Variants in ZNF571 observed in about 807,000 individuals in gnomAD.
ZNF571 encodes zinc finger protein 571.
ZNF571 carries 4 observed loss-of-function variants against 7.7 expected under a neutral mutation model. That is an observed-to-expected ratio of 0.52 (90% CI 0.25 to 1.18). The LOEUF (loss-of-function observed/expected upper bound fraction) is 1.18, where lower values mean the gene tolerates loss of function less well. Ranked by LOEUF, ZNF571 falls within the 50% of genes most tolerant of loss-of-function variation. ZNF571 has a pLI of 0.14. For missense variants in ZNF571, 704 were observed against 726.9 expected, an observed-to-expected ratio of 0.97 and a Z score of 0.36; for synonymous variants, 251 against 232.4, an observed-to-expected ratio of 1.08 and a Z score of -0.73.
chr19:37,584,878 G>A (rs2043610629), intron 2 of ZNF571, among the ~76,000 whole-genome samples: 1 of 151,786 alleles, frequency 6.6e-6, no homozygotes, highest in African/African-American at 2.4e-5. Flanking sequence ...GCAGGAGAAT[G>A]GCGTGAACCC....
chr19:37,565,204 T>G lies in ZNF571; in HGVS notation c.1224A>C (p.Gln408His). 1 of 1,613,442 alleles carries G rather than the reference T, an allele frequency of 6.2e-7. No homozygotes were observed. Among genetic ancestry groups the G allele is most frequent in the South Asian group, 1.1e-5 (1 of 90,962 alleles). ...KAFISNSNLI[Q>H]HQRIHTGEKP... ...TCTCTCCGGTATGAATTCTTTGATG[T>G]TGAATAAGATTAGAATTAGAAATAA... is the stretch of plus-strand genomic sequence containing the variant. Residue 408 changes from glutamine to histidine, a missense_variant, in exon 4 of 4, where the codon CAA becomes CAC. Coordinates refer to ENST00000451802, the MANE Select transcript of ZNF571 (RefSeq NM_016536.5).
At chr19:37,582,992 A>G (rs1010015964) in intron 3 of ZNF571, among the ~76,000 whole-genome samples, 60 of 152,162 alleles carry the variant, frequency 3.9e-4, no homozygotes, top group African/African-American at 1.3e-3. Flanking sequence ...GCAACAACCA[A>G]CAAGGTCCTA....
intron 2 of ZNF571, 124 bp downstream of exon 2, chr19:37,586,544 G>A (rs975734095): frequency 1.9e-6 from 2 of 1,049,798 alleles, no homozygotes; most frequent in Admixed American, 2.0e-5. Context: ...TCGCTAGAAT[G>A]GGAGACGTTT....
Position 37,565,607 on chromosome 19 carries a change from C to A in ZNF571, c.821G>T (p.Ser274Ile). The change falls in exon 4 of 4, where the codon AGT (serine) becomes ATT (isoleucine). Residue 274 changes from serine (S) to isoleucine (I), a missense_variant. By Grantham distance (142) the Ser-to-Ile change is moderately radical. Coordinates refer to ENST00000451802, the MANE Select transcript of ZNF571 (RefSeq NM_016536.5). ...CTTACATTCATAGGGTTTTTCACCACTATGAATTCTCTGATGAAGAGTATA... is the reference window on the plus strand; with the variant it reads ...CTTACATTCATAGGGTTTTTCACCAATATGAATTCTCTGATGAAGAGTATA... ...SQYTLHQRIH[S>I]GEKPYECKDC... 1 of 1,613,164 alleles carries A rather than the reference C, an allele frequency of 6.2e-7. No homozygotes were observed. Among genetic ancestry groups the A allele is most frequent in the African/African-American group, 1.3e-5 (1 of 74,918 alleles).
rs777420496 is a variant in ZNF571, at chr19:37,565,939, T to G, written c.489A>C (p.Ile163=). The G allele has an allele frequency of 6.2e-7, 1 of 1,613,840 alleles. No homozygotes were observed. The highest frequency in any genetic ancestry group is 8.5e-7 in the Non-Finnish European group (1 of 1,179,816). Residue 163 remains isoleucine, a synonymous_variant, in exon 4 of 4, where the codon ATA becomes ATC. Coordinates refer to ENST00000451802, the MANE Select transcript of ZNF571 (RefSeq NM_016536.5). ...CLIQHEENHN[I]EKCSEVKKHR... is the part of the protein sequence containing the mutation. ...GTTTCTTAACTTCAGAGCATTTTTC[T>G]ATATTATGATTTTCCTCATGTTGAA...
At chr19:37,573,508 T>C (rs1307382337) in intron 3 of ZNF571, among the ~76,000 whole-genome samples, 1 of 152,116 alleles carries the variant, frequency 6.6e-6, no homozygotes, top group Non-Finnish European at 1.5e-5. Context: ...AATTTTCTTA[T>C]TAATACACTT....
chr19:37,578,992 A>G (rs2043348744), intron 3 of ZNF571, among the ~76,000 whole-genome samples: 1 of 151,050 alleles, frequency 6.6e-6, no homozygotes, highest in Non-Finnish European at 1.5e-5. Flanking sequence ...GTCAGTCTCC[A>G]TTGCAGGAGT....
At chr19:37,577,778 A>G (rs1568351504) in intron 3 of ZNF571, among the ~76,000 whole-genome samples, 1 of 152,244 alleles carries the variant, frequency 6.6e-6, no homozygotes, top group East Asian at 1.9e-4. Flanking sequence ...GGCACTCAAG[A>G]TGGCTGACTA....
In ZNF571 at chr19:37,566,060, G is replaced by C; in HGVS notation, c.368C>G (p.Ser123Ter). 6.2e-7 allele frequency: 1 copy of C among 1,614,112 alleles called. No individual in the cohort carries two copies. The change falls in exon 4 of 4, where the codon TCA (serine) becomes TGA (stop). Residue 123 changes from serine (S) to a stop codon, truncating the protein, a stop_gained. Coordinates refer to ENST00000451802, the MANE Select transcript of ZNF571 (RefSeq NM_016536.5). LOFTEE classifies it low-confidence loss of function (END_TRUNC). ...TCEEKATESH[S>*]TSSTFHRIIP... Reference sequence around the variant, plus strand: ...TATCCGATGAAAAGTAGAAGAGGTTGAATGACTTTCAGTGGCCTTTTCTTC... The same window carrying C: ...TATCCGATGAAAAGTAGAAGAGGTTCAATGACTTTCAGTGGCCTTTTCTTC...
chr19:37,564,609 G>GCCTT lies in ZNF571; in HGVS notation c.1815_1818dup (p.Leu607LysfsTer4). The GCCTT allele has an allele frequency of 6.6e-7, 1 of 1,520,286 alleles. No homozygotes were observed. The highest frequency in any genetic ancestry group is 1.4e-5 in the South Asian group (1 of 73,922). 94.2% of individuals were successfully genotyped at this position (1,520,286 alleles called of 1,614,324 possible). ...CATTCAAGGCTTTCTCAATTATGAA[G>GCCTT]CCTTGTATGTTGAGTAAGTTGTGAA... On this transcript the variant is annotated frameshift_variant, in exon 4 of 4. Transcript: ENST00000451802. LOFTEE classifies it high-confidence loss of function.
chr19:37,580,052 A>G (rs2043395507), intron 3 of ZNF571, among the ~76,000 whole-genome samples: 1 of 152,234 alleles, frequency 6.6e-6, no homozygotes, highest in African/African-American at 2.4e-5. Context: ...GGCTATATTT[A>G]CAGCACGGAT....
chr19:37,565,836 TAC>T lies in ZNF571; in HGVS notation c.590_591del (p.Cys197TyrfsTer12). ...RIQTGEKPYE[C>X]MECGKAFGRT... ...CGACCAAAGGCCTTTCCACATTCCA[TAC>T]ACTCATAAGGTTTCTCACCAGTCTG... On this transcript the variant is annotated frameshift_variant, in exon 4 of 4. Coordinates refer to ENST00000451802, the MANE Select transcript of ZNF571 (RefSeq NM_016536.5). LOFTEE classifies it low-confidence loss of function (END_TRUNC). 1 of 1,613,870 alleles carries T rather than the reference TAC, an allele frequency of 6.2e-7. No homozygotes were observed. Among genetic ancestry groups the T allele is most frequent in the Non-Finnish European group, 8.5e-7 (1 of 1,179,816 alleles).
rs372007235 is a variant in ZNF571 at position 37,564,719 on chromosome 19, C to T, written c.1709G>A (p.Gly570Asp). The stretch of plus-strand genomic sequence containing the variant: ...CCTTTGATGCAGAGTAAGTTCTGAG[C>T]CACGACTAAAGGCCCTCCCACATTC... Reference protein sequence around the residue: ...CKECGRAFSRGSELTLHQRIH... With the variant: ...CKECGRAFSRDSELTLHQRIH... Residue 570 changes from glycine (G) to aspartate (D), a missense_variant, in exon 4 of 4, where the codon GGC becomes GAC. Coordinates refer to ENST00000451802, the MANE Select transcript of ZNF571 (RefSeq NM_016536.5). 1 of 1,613,408 alleles carries T rather than the reference C, an allele frequency of 6.2e-7. No homozygotes were observed. The highest frequency in any genetic ancestry group is 1.7e-5 in the Admixed American group (1 of 59,950).
At chr19:37,594,568 C>T (rs535712655) in intron 1 of ZNF571, 173 bp downstream of exon 1, 1 of 152,506 alleles carries the variant, frequency 6.6e-6, no homozygotes, top group Non-Finnish European at 1.5e-5. Flanking sequence ...TGCCGACACC[C>T]CTCCGCAAGC....
At chr19:37,589,995 C>A (rs1336593244) in intron 1 of ZNF571, among the ~76,000 whole-genome samples, 1 of 150,028 alleles carries the variant, frequency 6.7e-6, no homozygotes, top group African/African-American at 2.5e-5. Context: ...CACAAAGGAT[C>A]AAAGAAAAGT....
intron 3 of ZNF571, among the ~76,000 whole-genome samples, chr19:37,567,457 C>T (rs1600464002): frequency 6.6e-6 from 1 of 152,302 alleles, no homozygotes; most frequent in East Asian, 1.9e-4. Flanking sequence ...TATTCATGGC[C>T]TACAAGCCCC....
rs1197006231 is a variant in ZNF571 at position 37,565,298 on chromosome 19, T to A, written c.1130A>T (p.Gln377Leu). 1 of 1,611,250 alleles carries A rather than the reference T, an allele frequency of 6.2e-7. No individual in the cohort carries two copies. Among genetic ancestry groups the A allele is most frequent in the Non-Finnish European group, 8.5e-7 (1 of 1,178,710 alleles). The change falls in exon 4 of 4, where the codon CAA (glutamine) becomes CTA (leucine). Residue 377 changes from glutamine to leucine, a missense_variant. Coordinates refer to ENST00000451802, the MANE Select transcript of ZNF571 (RefSeq NM_016536.5). ...ECGKTFFRGS[Q>L]LTYHLRVHSG... Reference sequence around the variant, plus strand: ...ATGAACTCTCAGGTGGTAAGTAAGTTGTGAGCCACGAAAAAAGGTCTTCCC... The same window carrying A: ...ATGAACTCTCAGGTGGTAAGTAAGTAGTGAGCCACGAAAAAAGGTCTTCCC...
chr19:37,576,430 A>C (rs1161175070), intron 3 of ZNF571, among the ~76,000 whole-genome samples: 1 of 152,214 alleles, frequency 6.6e-6, no homozygotes, highest in Non-Finnish European at 1.5e-5. Flanking sequence ...AGCAGGCTTC[A>C]AGCACACTAA....
chr19:37,567,674 G>C (rs1291223370), intron 3 of ZNF571: 1 of 152,128 alleles, frequency 6.6e-6, no homozygotes, highest in Non-Finnish European at 1.5e-5. Context: ...CACCTCCTTT[G>C]CGTGTGAAAT....
Sources: allele counts gnomAD v4.1 joint callset (sites outside exome capture counted in the v4.1 genomes callset), GRCh38; gene constraint gnomAD v4.1.1; transcripts MANE v1.5; gene names NCBI Gene and HGNC (gene_info 2026-07-23, HGNC 2026-07-21).